ANKRD60: variants seen among roughly 807,000 people sequenced by gnomAD.
ANKRD60 encodes ankyrin repeat domain-containing protein 60.
ANKRD60 carries 24 observed loss-of-function variants against 21.3 expected under a neutral mutation model. That is an observed-to-expected ratio of 1.13 (90% confidence interval 0.82 to 1.59). ANKRD60 has a LOEUF of 1.59. Among genes scored for constraint, ANKRD60 ranks in the 40% most tolerant of loss-of-function variants. ANKRD60 has a pLI of 0.00. For missense variants in ANKRD60, 490 were observed against 466.7 expected (o/e 1.05, Z -0.46); for synonymous variants, 182 against 199.4 (o/e 0.91, Z 0.74).
At position 58,228,037 on chromosome 20, in the gene ANKRD60, G is replaced by A. The variant is rs184106569; in HGVS notation, c.430+187C>T. Among the ~76,000 whole-genome samples, 2 of 152,208 alleles carry A rather than the reference G, an allele frequency of 1.3e-5. No homozygotes were observed. The highest frequency in any genetic ancestry group is 2.9e-5 in the Non-Finnish European group (2 of 67,998). ...ATTTGAACGCCGTGTGTTTGAGATT[G>A]GGAAGTCCCTCTGTGGCCAGGACCC... On this transcript the variant is annotated intron_variant, in intron 1 of 3. Transcript: ENST00000457363. The surrounding 1 kb of genome is among the most constrained non-coding windows in gnomAD (Gnocchi z 5.3).
At chr20:58,224,521 C>T (rs1213220418) in intron 1 of ANKRD60, among the ~76,000 whole-genome samples, 1 of 152,234 alleles carries the variant, frequency 6.6e-6, no homozygotes, top group Non-Finnish European at 1.5e-5. Flanking sequence ...AGTGCTGGCA[C>T]CAGACCTGCT....
chr20:58,221,423 G>T (rs1984250131), exon 3 of ANKRD60: 8 of 1,552,330 alleles, frequency 5.2e-6, no homozygotes, highest in Non-Finnish European at 7.0e-6. Flanking sequence ...GAGACGTCCA[G>T]TGCTTCCACT....
rs370956677 is a variant in ANKRD60 at position 58,218,716 on chromosome 20, G to A, written c.817C>T (p.Leu273Phe). Reference sequence around the variant, plus strand: ...TCGTGGATGGAGGCCCCGTGCTGGAGCAGGAGGATTATACAGTCTGACCGG... The same window carrying A: ...TCGTGGATGGAGGCCCCGTGCTGGAACAGGAGGATTATACAGTCTGACCGG... Residue 273 changes from leucine (L) to phenylalanine (F), a missense_variant, in exon 4 of 4, where the codon CTC (leucine) becomes TTC (phenylalanine). Leu to Phe is a conservative substitution (Grantham distance 22). Transcript: ENST00000457363. 14 of 1,551,714 alleles carry A rather than the reference G, an allele frequency of 9.0e-6. No homozygotes were observed. The African/African-American group carries it at 1.6e-4, about 18-fold the overall frequency.
rs548437500 is a variant in ANKRD60, at chr20:58,219,492, C to T, written c.728-687G>A. Among the ~76,000 whole-genome samples the T allele has an allele frequency of 2.7e-3, 417 of 152,226 alleles. 2 individuals are homozygous for T. The highest frequency in any genetic ancestry group is 4.6e-3 in the Non-Finnish European group (316 of 68,010). ...TCAGTGCCTGCAGAAGACAGGCACT[C>T]AGGAAATGACGCAATGGGCAGCCTG... On this transcript the variant is annotated intron_variant, in intron 3 of 3. Coordinates refer to ENST00000457363, the Ensembl canonical transcript of ANKRD60.
At chr20:58,217,928 G>A (rs1358852669), downstream of ANKRD60, among the ~76,000 whole-genome samples, 1 of 152,154 alleles carries the variant, frequency 6.6e-6, no homozygotes, top group Non-Finnish European at 1.5e-5. Context: ...CCCTTCTGGA[G>A]AGTGTGTGTG....
intron 1 of ANKRD60, among the ~76,000 whole-genome samples, chr20:58,224,530 C>T (rs1253395430): frequency 6.6e-6 from 1 of 152,224 alleles, no homozygotes; most frequent in Non-Finnish European, 1.5e-5. Flanking sequence ...ACCAGACCTG[C>T]TTCCCTCCAG....
At chr20:58,218,855 C>G in intron 3 of ANKRD60, 50 bp from the exon 4 acceptor site, 1 of 1,478,534 alleles carries the variant, frequency 6.8e-7, no homozygotes, top group Non-Finnish European at 9.0e-7. Context: ...AGGGGGAACA[C>G]AGGAGGGGTC....
chr20:58,219,962 G>A (rs1984212727), intron 3 of ANKRD60, among the ~76,000 whole-genome samples: 1 of 152,208 alleles, frequency 6.6e-6, no homozygotes, highest in South Asian at 2.1e-4. Context: ...AGGAAGGAAG[G>A]AGAATATTGT....
At chr20:58,223,236 C>T (rs748280930) in intron 1 of ANKRD60, 54 bp from the exon 2 acceptor site, 4 of 1,431,732 alleles carry the variant, frequency 2.8e-6, no homozygotes, top group African/African-American at 1.4e-5. Context: ...AGATAAACTA[C>T]TACATTGGTT....
At chr20:58,224,410 C>G (rs1335077814) in intron 1 of ANKRD60, among the ~76,000 whole-genome samples, 1 of 152,178 alleles carries the variant, frequency 6.6e-6, no homozygotes, top group African/African-American at 2.4e-5. Flanking sequence ...GACCGAGTAC[C>G]TATATTCTTT....
intron 1 of ANKRD60, among the ~76,000 whole-genome samples, chr20:58,225,916 C>T (rs1984355225): frequency 6.6e-6 from 1 of 152,120 alleles, no homozygotes. Context: ...GCCACGCCTT[C>T]GGGTCAGGGA....
chr20:58,228,474 G>C lies in ANKRD60; in HGVS notation c.180C>G (p.Ala60=), dbSNP rs1319770806. Reference sequence around the variant, plus strand: ...CACAGGCCAGGGGCTGCGCGGGGAGGGCCCGCGAGTCCGCCGAGCCCACCC... The same window carrying C: ...CACAGGCCAGGGGCTGCGCGGGGAGCGCCCGCGAGTCCGCCGAGCCCACCC... Residue 60 remains alanine, a synonymous_variant, in exon 1 of 4, where the codon GCC becomes GCG. Transcript: ENST00000457363. This position sits in a 1 kb window ranked among gnomAD's most constrained non-coding sequence, Gnocchi z 5.3. The C allele has an allele frequency of 6.6e-7, 1 of 1,514,602 alleles. No individual in the cohort carries two copies. Among genetic ancestry groups the C allele is most frequent in the South Asian group, 1.2e-5 (1 of 81,634 alleles). 93.8% of individuals were successfully genotyped at this position (1,514,602 alleles called of 1,614,324 possible). A position where few individuals can be genotyped will look rare whatever the true frequency, so the allele number is the denominator to read the frequency against.
chr20:58,223,546 A>G (rs940162643), intron 1 of ANKRD60, among the ~76,000 whole-genome samples: 3 of 152,274 alleles, frequency 2.0e-5, no homozygotes, highest in Admixed American at 1.3e-4. Context: ...GACACACAGC[A>G]CAATGTGGTT....
At chr20:58,218,803 C>A (rs2122800537) in exon 4 of ANKRD60, 2 of 1,531,714 alleles carry the variant, frequency 1.3e-6, no homozygotes, top group Non-Finnish European at 1.8e-6. Flanking sequence ...AGGCAGCTGG[C>A]TCCTGTAAAA....
At chr20:58,221,385 G>A (rs1409942391) in exon 3 of ANKRD60, 15 of 1,552,032 alleles carry the variant, frequency 9.7e-6, no homozygotes, top group Middle Eastern at 3.3e-4. Context: ...TCTGTGTGAG[G>A]CCACATACAA....
At chr20:58,224,459 C>T (rs565552950) in intron 1 of ANKRD60, among the ~76,000 whole-genome samples, 1 of 152,312 alleles carries the variant, frequency 6.6e-6, no homozygotes, top group Admixed American at 6.5e-5. Context: ...TTTGTTAACT[C>T]CATCTGCTGA....
chr20:58,221,022 G>A (rs1468482652), intron 3 of ANKRD60, among the ~76,000 whole-genome samples: 3 of 152,190 alleles, frequency 2.0e-5, no homozygotes, highest in African/African-American at 7.2e-5. Context: ...TCCCAGCAAT[G>A]TGTCTGGTGA....
intron 1 of ANKRD60, among the ~76,000 whole-genome samples, chr20:58,223,400 A>G (rs549761890): frequency 1.3e-5 from 2 of 152,226 alleles, no homozygotes; most frequent in East Asian, 3.8e-4. Context: ...GCCGAACAAA[A>G]TCACAATGCC....
rs769232846 is a variant in ANKRD60, at chr20:58,221,369, G to A, written c.696C>T (p.His232=). Residue 232 remains histidine (H), a synonymous_variant, in exon 3 of 4, where the codon CAC becomes CAT. Transcript: ENST00000457363. ...CTAGAAGGTACTGCACAGCATCAAA[G>A]TGGCCTCTGTGTGAGGCCACATACA... 2.8e-5 allele frequency: 44 copies of A among 1,551,930 alleles called. No individual in the cohort carries two copies. In the African/African-American group the frequency reaches 4.8e-4, roughly 17 times the overall value.
Sources: gnomAD v4.1 joint callset for allele counts (sites outside exome capture counted in the v4.1 genomes callset) on GRCh38, gnomAD v4.1.1 for gene constraint, Gnocchi (gnomAD v3.1) non-coding constraint, MANE v1.5 for transcripts, NCBI Gene and HGNC (gene_info 2026-07-23, HGNC 2026-07-21) for gene names.